The following CDC42SE2 variants were observed in gnomAD, a reference collection of about 807,000 sequenced individuals.
CDC42SE2 encodes CDC42 small effector protein 2.
A neutral mutation model predicts 11.5 loss-of-function variants in CDC42SE2; 3 were observed. That is an observed-to-expected ratio of 0.26 (90% CI 0.12 to 0.67). The LOEUF is 0.67. Ranked by LOEUF, CDC42SE2 falls within the 30% of genes least tolerant of loss-of-function variation. The probability of loss-of-function intolerance (pLI) is 0.80; values close to 1 mark genes in which losing one functional copy is unlikely to be tolerated. For synonymous variants in CDC42SE2, 33 were observed against 34.8 expected, an observed-to-expected ratio of 0.95 and a Z score of 0.18; for missense variants, 82 against 106.8, an observed-to-expected ratio of 0.77 and a Z score of 1.02.
intron 1 of CDC42SE2, among the ~76,000 whole-genome samples, chr5:131,294,763 G>A (rs1457696410): frequency 3.9e-5 from 6 of 152,000 alleles, no homozygotes; most frequent in African/African-American, 9.7e-5. Context: ...AGGCTGAGGC[G>A]GGCAGATCAC....
At chr5:131,337,496 T>G (rs1758602190) in intron 2 of CDC42SE2, among the ~76,000 whole-genome samples, 1 of 152,346 alleles carries the variant, frequency 6.6e-6, no homozygotes, top group Admixed American at 6.5e-5. Flanking sequence ...TCTTCAAAGC[T>G]GTCAGACAGA....
chr5:131,317,413 T>C (rs886077284), intron 2 of CDC42SE2, among the ~76,000 whole-genome samples: 2 of 152,214 alleles, frequency 1.3e-5, no homozygotes, highest in Non-Finnish European at 1.5e-5. Context: ...ACGTCAATAG[T>C]AAGAAGCATA....
At chr5:131,223,558 A>G in the CDC42SE2 span, among the ~76,000 whole-genome samples, 11,435 of 152,098 alleles carry the variant, frequency 0.075, 906 homozygotes, top group African/African-American at 0.2. Flanking sequence ...TTTAAAGCCT[A>G]TTTCAGTTCT....
chr5:131,379,102 T>G (rs1750240783), intron 3 of CDC42SE2, among the ~76,000 whole-genome samples: 1 of 152,268 alleles, frequency 6.6e-6, no homozygotes, highest in Non-Finnish European at 1.5e-5. Flanking sequence ...CTCTAGGTCA[T>G]AAAGTTGAGT....
intron 2 of CDC42SE2, among the ~76,000 whole-genome samples, chr5:131,329,681 C>A (rs1308220451): frequency 1.3e-5 from 2 of 151,688 alleles, no homozygotes; most frequent in African/African-American, 2.4e-5. Flanking sequence ...GAGTTCAAGA[C>A]CAACCTGGCC....
At chr5:131,309,101 T>C (rs892731825) in intron 1 of CDC42SE2, among the ~76,000 whole-genome samples, 5 of 152,192 alleles carry the variant, frequency 3.3e-5, no homozygotes, top group Non-Finnish European at 7.3e-5. Flanking sequence ...ATAGCTCTTA[T>C]TCTTTTGAAA....
intron 1 of CDC42SE2, among the ~76,000 whole-genome samples, chr5:131,303,926 G>C (rs1405191257): frequency 6.6e-6 from 1 of 152,004 alleles, no homozygotes; most frequent in Non-Finnish European, 1.5e-5. Context: ...TCTCTGCATA[G>C]AGATGGAGTG....
At chr5:131,298,597 G>A (rs899529010) in intron 1 of CDC42SE2, among the ~76,000 whole-genome samples, 9 of 142,556 alleles carry the variant, frequency 6.3e-5, no homozygotes, top group African/African-American at 2.4e-4. Flanking sequence ...TTTGGGGGCA[G>A]TTAGACTTGT....
chr5:131,288,410 A>C (rs78747432), intron 1 of CDC42SE2, among the ~76,000 whole-genome samples: 3,225 of 152,298 alleles, frequency 0.021, 120 homozygotes, highest in African/African-American at 0.074. Context: ...CCCAAGTTTC[A>C]TGAAATATCA....
At chr5:131,346,102 C>G (rs555208363) in intron 2 of CDC42SE2, among the ~76,000 whole-genome samples, 1 of 152,232 alleles carries the variant, frequency 6.6e-6, no homozygotes, top group African/African-American at 2.4e-5. Context: ...AACTAACGAG[C>G]AAAATAACCA....
intron 2 of CDC42SE2, among the ~76,000 whole-genome samples, chr5:131,331,262 T>C (rs245801): frequency 0.23 from 35,258 of 152,126 alleles, 4,480 homozygotes; most frequent in East Asian, 0.49. Flanking sequence ...AATTAATGTA[T>C]TAAGTATTTA....
At chr5:131,322,462 G>A (rs554569350) in intron 2 of CDC42SE2, among the ~76,000 whole-genome samples, 6 of 152,032 alleles carry the variant, frequency 3.9e-5, no homozygotes, top group African/African-American at 1.2e-4. Flanking sequence ...TATAGTGTTC[G>A]TAAGGCTCAT....
intron 2 of CDC42SE2, among the ~76,000 whole-genome samples, chr5:131,326,784 G>A (rs972506722): frequency 6.6e-6 from 1 of 151,696 alleles, no homozygotes. Context: ...TTTTTATTAT[G>A]TTTATTTTTT....
intron 1 of CDC42SE2, among the ~76,000 whole-genome samples, chr5:131,286,688 G>A (rs187747846): frequency 1.3e-5 from 2 of 151,742 alleles, no homozygotes; most frequent in East Asian, 1.9e-4. Flanking sequence ...AAGATGATAA[G>A]GATGAAGACT....
chr5:131,325,288 A>T (rs984403265), intron 2 of CDC42SE2, among the ~76,000 whole-genome samples: 2 of 152,226 alleles, frequency 1.3e-5, no homozygotes, highest in African/African-American at 2.4e-5. Flanking sequence ...TATAGTGTGT[A>T]TGCAGTTGCT....
intron 1 of CDC42SE2, among the ~76,000 whole-genome samples, chr5:131,301,060 A>C (rs1428962881): frequency 6.6e-6 from 1 of 152,212 alleles, no homozygotes; most frequent in Non-Finnish European, 1.5e-5. Flanking sequence ...TGTGGCAGTC[A>C]GAATTGGAAA....
intron 2 of CDC42SE2, among the ~76,000 whole-genome samples, chr5:131,344,144 G>A (rs544019315): frequency 5.3e-5 from 8 of 152,282 alleles, no homozygotes; most frequent in Admixed American, 2.0e-4. Flanking sequence ...CTGAGGTACC[G>A]GGTTCATCTC....
intron 1 of CDC42SE2, among the ~76,000 whole-genome samples, chr5:131,272,106 G>A (rs1433266241): frequency 1.3e-5 from 2 of 152,066 alleles, no homozygotes; most frequent in Non-Finnish European, 2.9e-5. Context: ...TGCCTCCCAG[G>A]TTCAAGTGAT....
chr5:131,354,069 G>C (rs983365473), intron 2 of CDC42SE2, among the ~76,000 whole-genome samples: 1 of 151,958 alleles, frequency 6.6e-6, no homozygotes, highest in Non-Finnish European at 1.5e-5. Flanking sequence ...GTGAGACCTT[G>C]TCTCTACAAA....
Sources: allele counts gnomAD v4.1 joint callset (sites outside exome capture counted in the v4.1 genomes callset), GRCh38; gene constraint gnomAD v4.1.1; transcripts MANE v1.5; gene names NCBI Gene and HGNC (gene_info 2026-07-23, HGNC 2026-07-21).